The following AMPD1 variants were observed in gnomAD, a reference collection of about 807,000 sequenced individuals.
AMPD1 encodes the protein adenosine monophosphate deaminase 1, also known as AMP deaminase 1.
A neutral mutation model predicts 82.9 loss-of-function variants in AMPD1; 74 were observed. That is an observed-to-expected ratio of 0.89 (90% CI 0.74 to 1.08). The LOEUF (loss-of-function observed/expected upper bound fraction) is 1.08. Among genes scored for constraint, AMPD1 ranks in the 50% least tolerant of loss-of-function variants. The pLI, the probability that AMPD1 is intolerant of heterozygous loss-of-function variation, is 0.00. For synonymous variants in AMPD1, 333 were observed against 320.5 expected (o/e 1.04, Z -0.42); for missense variants, 881 against 924.5 (o/e 0.95, Z 0.61).
At chr1:114,677,703 A>G (rs1045094047) in intron 9 of AMPD1, among the ~76,000 whole-genome samples, 189 bp from the exon 10 acceptor site, 59 of 151,946 alleles carry the variant, frequency 3.9e-4, no homozygotes, top group African/African-American at 1.4e-3. Flanking sequence ...ATTAGAGTGG[A>G]TGTGTCAGAG....
Position 114,675,547 on chromosome 1 carries a change from C to T in AMPD1, c.1662G>A (p.Val554=), listed in dbSNP as rs780245321. 6 of 1,614,146 alleles carry T rather than the reference C, an allele frequency of 3.7e-6. No individual in the cohort carries two copies. In the African/African-American group the frequency reaches 4.0e-5, roughly 11 times the overall value. ...CTACTTACTTTCTCAGGCTGTTGAG[C>T]ACCATGATGTTTGCATACATGTAGT... ...YAYYMYANIM[V]LNSLRKERGM... is the part of the protein sequence containing the mutation. Residue 554 remains valine, a synonymous_variant, in exon 12 of 16, where the codon GTG becomes GTA. Transcript: ENST00000520113.
intron 3 of AMPD1, 80 bp from the exon 4 acceptor site, chr1:114,686,990 C>A (rs914749640): frequency 6.9e-7 from 1 of 1,449,146 alleles, no homozygotes; most frequent in Non-Finnish European, 9.7e-7. Flanking sequence ...TTTCTCTATA[C>A]AATTTTATTC....
At position 114,677,420 on chromosome 1, in the gene AMPD1, G is replaced by T; in HGVS notation, c.1319C>A (p.Ser440Tyr). The change falls in exon 10 of 16, where the codon TCC becomes TAC. Residue 440 changes from serine (S) to tyrosine (Y), a missense_variant. Transcript: ENST00000520113. ...GATGCGATTGCAGACGAACCAGGAGGAGAGTTTGCTCCACTCATCAGGACT... is the reference window on the plus strand; with the variant it reads ...GATGCGATTGCAGACGAACCAGGAGTAGAGTTTGCTCCACTCATCAGGACT... ...GRSPDEWSKL[S>Y]SWFVCNRIHC... 6.2e-7 allele frequency: 1 copy of T among 1,612,132 alleles called. No individual in the cohort carries two copies. The highest frequency in any genetic ancestry group is 8.5e-7 in the Non-Finnish European group (1 of 1,179,658).
intron 1 of AMPD1, among the ~76,000 whole-genome samples, chr1:114,694,444 T>A (rs11585780): frequency 0.54 from 82,123 of 151,384 alleles, 22,682 homozygotes; most frequent in South Asian, 0.62. Context: ...AGTGCCTTTT[T>A]AAAAAAAACT....
intron 12 of AMPD1, 46 bp from the exon 13 acceptor site, chr1:114,674,918 A>G (rs1476467444): frequency 1.2e-6 from 2 of 1,612,760 alleles, no homozygotes; most frequent in Admixed American, 3.3e-5. Context: ...CTGGGTATGG[A>G]GTGATTCACA....
intron 8 of AMPD1, 60 bp downstream of exon 8, chr1:114,678,273 G>A: frequency 6.3e-7 from 1 of 1,582,256 alleles, no homozygotes; most frequent in Non-Finnish European, 8.7e-7. Context: ...GGGCTTGTAG[G>A]AGAAAGACAT....
chr1:114,682,735 C>A (rs998218519), intron 5 of AMPD1, among the ~76,000 whole-genome samples: 4 of 152,096 alleles, frequency 2.6e-5, no homozygotes, highest in Non-Finnish European at 4.4e-5. Flanking sequence ...CCCGCCACCA[C>A]GCCTGGCTAA....
At chr1:114,678,074 T>C (rs1658053882) in intron 8 of AMPD1, 33 bp from the exon 9 acceptor site, 1 of 1,613,106 alleles carries the variant, frequency 6.2e-7, no homozygotes, top group Non-Finnish European at 8.5e-7. Context: ...AGATGTATTA[T>C]TACCAGAGCT....
At chr1:114,691,705 C>G (rs571429434) in intron 2 of AMPD1, among the ~76,000 whole-genome samples, 1 of 152,226 alleles carries the variant, frequency 6.6e-6, no homozygotes, top group East Asian at 1.9e-4. Context: ...GTGGGCGGAT[C>G]ACCTGAGGTC....
chr1:114,677,375 C>T lies in AMPD1; in HGVS notation c.1364G>A (p.Trp455Ter). The T allele has an allele frequency of 6.2e-7, 1 of 1,610,146 alleles. No individual in the cohort carries two copies. The highest frequency in any genetic ancestry group is 8.5e-7 in the Non-Finnish European group (1 of 1,179,250). ...CTAGATCCTGGGAACCTGGATCATC[C>T]ATGTCATGTTGGGGCAGTGGATGCG... is the stretch of plus-strand genomic sequence containing the variant. ...CNRIHCPNMT[W>*]MIQVPRIYDV... is the part of the protein sequence containing the mutation. Residue 455 changes from tryptophan to a stop codon, truncating the protein, a stop_gained, in exon 10 of 16, where the codon TGG (tryptophan) becomes TAG (stop). Coordinates refer to ENST00000520113, the MANE Select transcript of AMPD1 (RefSeq NM_000036.3). LOFTEE classifies it high-confidence loss of function.
At chr1:114,694,730 G>A (rs1012087294) in intron 1 of AMPD1, among the ~76,000 whole-genome samples, 1 of 152,050 alleles carries the variant, frequency 6.6e-6, no homozygotes. Flanking sequence ...TGTAGTCCCA[G>A]CTACTCGGGA....
At chr1:114,676,201 A>T (rs1570838710) in intron 10 of AMPD1, 198 bp from the exon 11 acceptor site, 1 of 615,136 alleles carries the variant, frequency 1.6e-6, no homozygotes, top group Non-Finnish European at 2.7e-6. Context: ...GGAAATAAAA[A>T]TTTTTTGGTG....
rs748789304 is a variant in AMPD1, at chr1:114,673,226, G to T, written c.2132C>A (p.Ala711Asp). 1.2e-6 allele frequency: 2 copies of T among 1,614,122 alleles called. No homozygotes were observed. Among genetic ancestry groups the T allele is most frequent in the Admixed American group, 1.7e-5 (1 of 60,016 alleles). ...ATTTGTCCTCCGGATATCATTTCCA[G>T]CAGGGCCTTCCTCAAGGTAATTGTC... is the stretch of plus-strand genomic sequence containing the variant. ...LGDNYLEEGP[A>D]GNDIRRTNVA... is the part of the protein sequence containing the mutation. The change falls in exon 16 of 16, where the codon GCT (alanine) becomes GAT (aspartate). Residue 711 changes from alanine (A) to aspartate (D), a missense_variant. By Grantham distance (126) the Ala-to-Asp change is moderately radical (BLOSUM62 -2). Around this residue, in one of 2 missense-constraint regions of AMPD1, gnomAD observed 98 missense variants for 138.1 expected, o/e 0.71. Coordinates refer to ENST00000520113, the MANE Select transcript of AMPD1 (RefSeq NM_000036.3).
intron 11 of AMPD1, 64 bp from the exon 12 acceptor site, chr1:114,675,757 A>C (rs1217377483): frequency 6.2e-7 from 1 of 1,613,472 alleles, no homozygotes; most frequent in Non-Finnish European, 8.5e-7. Flanking sequence ...TCCTCACACA[A>C]ACTTTCAGGT....
At chr1:114,681,828 T>C (rs1457726053) in intron 5 of AMPD1, among the ~76,000 whole-genome samples, 2 of 152,184 alleles carry the variant, frequency 1.3e-5, no homozygotes, top group African/African-American at 4.8e-5. Context: ...TCCACCCTTA[T>C]AGTATCATAC....
chr1:114,675,823 G>A, intron 11 of AMPD1, 54 bp downstream of exon 11: 1 of 1,613,858 alleles, frequency 6.2e-7, no homozygotes, highest in East Asian at 2.2e-5. Flanking sequence ...TCATGACCAG[G>A]TAGGAAGGCT....
At chr1:114,673,362 A>T in intron 15 of AMPD1, 90 bp from the exon 16 acceptor site, 1 of 1,452,374 alleles carries the variant, frequency 6.9e-7, no homozygotes, top group Non-Finnish European at 9.6e-7. Flanking sequence ...TTCCTTCCTT[A>T]TGTTAGCCAC....
At chr1:114,688,970 T>A (rs1658428862) in intron 2 of AMPD1, 1 of 732,158 alleles carries the variant, frequency 1.4e-6, no homozygotes, top group Non-Finnish European at 2.5e-6. Context: ...CATAGCACAT[T>A]TCAGAACAGT....
At chr1:114,695,406 A>C (rs771320566) in intron 1 of AMPD1, 44 bp downstream of exon 1, 29 of 1,606,192 alleles carry the variant, frequency 1.8e-5, no homozygotes, top group South Asian at 2.3e-5. Flanking sequence ...AAAAAAAAAA[A>C]AAAACAACAA....
Sources: allele counts gnomAD v4.1 joint callset (sites outside exome capture counted in the v4.1 genomes callset), GRCh38; gene constraint gnomAD v4.1.1; regional missense constraint gnomAD v4.1.1; transcripts MANE v1.5; gene names NCBI Gene and HGNC (gene_info 2026-07-23, HGNC 2026-07-21).